Variants in MINDY2 observed in about 807,000 individuals in gnomAD.
The protein encoded by MINDY2 is MINDY lysine 48 deubiquitinase 2, also known as ubiquitin carboxyl-terminal hydrolase MINDY-2.
MINDY2 carries 52 observed loss-of-function variants against 68.2 expected under a neutral mutation model. The observed-to-expected ratio is 0.76, with a 90% CI of 0.61 to 0.96. MINDY2 has a LOEUF of 0.96. Among genes scored for constraint, MINDY2 ranks in the 40% least tolerant of loss-of-function variants. The pLI is 0.00. For synonymous variants in MINDY2, 372 were observed against 303.0 expected, an observed-to-expected ratio of 1.23 and a Z score of -2.36; for missense variants, 881 against 773.4, an observed-to-expected ratio of 1.14 and a Z score of -1.65.
intron 2 of MINDY2, among the ~76,000 whole-genome samples, chr15:58,800,350 G>T (rs1191407625): frequency 1.3e-5 from 2 of 152,066 alleles, no homozygotes; most frequent in African/African-American, 4.8e-5. Flanking sequence ...ACATATCAGT[G>T]TACTTTTCCT....
chr15:58,804,123 AG>A (rs1374816900), intron 3 of MINDY2, among the ~76,000 whole-genome samples: 1 of 151,190 alleles, frequency 6.6e-6, no homozygotes, highest in African/African-American at 2.4e-5. Flanking sequence ...AAAAAAAAGG[AG>A]GAGGAGGAGA....
At chr15:58,841,388 T>TA (rs2032277350) in intron 6 of MINDY2, among the ~76,000 whole-genome samples, 1 of 151,696 alleles carries the variant, frequency 6.6e-6, no homozygotes, top group South Asian at 2.1e-4. Flanking sequence ...ATGAAGATAA[T>TA]ACGCTTTTCC....
intron 1 of MINDY2, among the ~76,000 whole-genome samples, chr15:58,776,750 G>C (rs1900796610): frequency 6.6e-6 from 1 of 152,136 alleles, no homozygotes; most frequent in South Asian, 2.1e-4. Context: ...GGCCGTGTGT[G>C]GTGGCTCATG....
chr15:58,785,135 C>CAAAAAAAAAAAAAAAAA (rs397719705), intron 1 of MINDY2, among the ~76,000 whole-genome samples: 1 of 68,470 alleles, frequency 1.5e-5, no homozygotes, highest in African/African-American at 5.8e-5. Context: ...TGAAGGAAAG[C>CAAAAAAAAAAAAAAAAA]AAAAAAAAAA....
intron 1 of MINDY2, among the ~76,000 whole-genome samples, chr15:58,781,697 G>A (rs1901154811): frequency 6.6e-6 from 1 of 152,070 alleles, no homozygotes; most frequent in South Asian, 2.1e-4. Flanking sequence ...AGTGTCAGGA[G>A]TTCAAGACCA....
chr15:58,801,602 A>C lies in MINDY2; in HGVS notation c.899-711A>C, dbSNP rs373587176. 5.3e-5 allele frequency among the ~76,000 whole-genome samples: 8 copies of C among 152,266 alleles called. No individual in the cohort carries two copies. The East Asian group carries it at 1.2e-3, about 22-fold the overall frequency. On this transcript the variant is annotated intron_variant, in intron 2 of 8. Transcript: ENST00000559228. ...TATATTTAAAAGGTGATACCAAATAAAAACTCGTATATAAAAATACCATCT... is the reference window on the plus strand; with the variant it reads ...TATATTTAAAAGGTGATACCAAATACAAACTCGTATATAAAAATACCATCT...
intron 6 of MINDY2, among the ~76,000 whole-genome samples, chr15:58,846,680 AT>A (rs1324052672): frequency 2.6e-5 from 4 of 152,066 alleles, no homozygotes; most frequent in Non-Finnish European, 5.9e-5. Flanking sequence ...TTAAAAAAAA[AT>A]TTGTATGCAC....
In MINDY2 at chr15:58,837,539, C is replaced by A. The variant is rs200935094; in HGVS notation, c.1368+5623C>A. Among the ~76,000 whole-genome samples, 1,042 of 121,544 alleles carry A rather than the reference C, an allele frequency of 8.6e-3. 21 individuals are homozygous for A. Among genetic ancestry groups the A allele is most frequent in the African/African-American group, 0.023 (797 of 34,634 alleles). The allele number at this position is 121,544 out of a possible 152,430, so 79.7% of individuals were successfully genotyped here. On this transcript the variant is annotated intron_variant, in intron 6 of 8. Transcript: ENST00000559228. Reference sequence around the variant, plus strand: ...AGGCTACAGTGAGCCATGATGGCACCAAAAAAAAAAAAAAAGGAAACCTTT... The same window carrying A: ...AGGCTACAGTGAGCCATGATGGCACAAAAAAAAAAAAAAAAGGAAACCTTT...
At chr15:58,841,802 G>A (rs1002371169) in intron 6 of MINDY2, among the ~76,000 whole-genome samples, 1 of 152,194 alleles carries the variant, frequency 6.6e-6, no homozygotes, top group Non-Finnish European at 1.5e-5. Flanking sequence ...ACTATAGATA[G>A]TGAGATGACT....
intron 1 of MINDY2, among the ~76,000 whole-genome samples, chr15:58,780,326 C>T (rs1469601259): frequency 5.9e-5 from 9 of 151,994 alleles, no homozygotes; most frequent in African/African-American, 1.7e-4. Context: ...ATCACTTTAA[C>T]CTGGGAGGGA....
At chr15:58,804,199 G>A (rs1223425720) in intron 3 of MINDY2, among the ~76,000 whole-genome samples, 1 of 151,898 alleles carries the variant, frequency 6.6e-6, no homozygotes, top group Admixed American at 6.6e-5. Context: ...AATTTTATCA[G>A]GGGAATTTGT....
Position 58,810,245 on chromosome 15 carries a change from A to C in MINDY2, c.979A>C (p.Met327Leu), listed in dbSNP as rs758654520. 2 of 1,608,978 alleles carry C rather than the reference A, an allele frequency of 1.2e-6. No homozygotes were observed. Among genetic ancestry groups the C allele is most frequent in the African/African-American group, 2.7e-5 (2 of 74,758 alleles). The change falls in exon 4 of 9, where the codon ATG becomes CTG. Residue 327 changes from methionine to leucine, a missense_variant. Met to Leu is a conservative substitution (Grantham distance 15, BLOSUM62 2). Transcript: ENST00000559228. Reference protein sequence around the residue: ...LNYEQNMSDAMAILHKLQTGL... With the variant: ...LNYEQNMSDALAILHKLQTGL... ...CTATTTTCAGAATATGAGTGATGCC[A>C]TGGCAATTTTGCACAAACTACAGAC...
At chr15:58,812,615 T>A (rs1021628981) in intron 4 of MINDY2, among the ~76,000 whole-genome samples, 10 of 151,858 alleles carry the variant, frequency 6.6e-5, no homozygotes, top group African/African-American at 2.4e-4. Context: ...ATCCTAGAAC[T>A]TTGGGAGGCC....
At chr15:58,832,264 T>C (rs2031765466) in intron 6 of MINDY2, among the ~76,000 whole-genome samples, 1 of 151,658 alleles carries the variant, frequency 6.6e-6, no homozygotes, top group African/African-American at 2.4e-5. Flanking sequence ...TTCGCTCTTG[T>C]TGCCCAGGCT....
In MINDY2 at chr15:58,856,202, A is replaced by C. The variant is rs1342324738; in HGVS notation, c.*1592A>C. ...CAAATAGTTGTGTGCTTTACATTCT[A>C]AGCTTCAGTACATTTATTTAAGAGC... On this transcript the variant is annotated 3_prime_UTR_variant, in exon 9 of 9. Coordinates refer to ENST00000559228, the MANE Select transcript of MINDY2 (RefSeq NM_001040450.3). 6.6e-6 allele frequency: 1 copy of C among 152,648 alleles called. No individual in the cohort carries two copies. Among genetic ancestry groups the C allele is most frequent in the African/African-American group, 2.4e-5 (1 of 41,466 alleles). 9.5% of individuals were successfully genotyped at this position (152,648 alleles called of 1,614,324 possible).
chr15:58,791,622 A>ATGTGTGTGTGTGTG (rs368688031), intron 2 of MINDY2, among the ~76,000 whole-genome samples: 171 of 136,746 alleles, frequency 1.3e-3, no homozygotes, highest in East Asian at 2.8e-3. Flanking sequence ...GTCTCAAAAT[A>ATGTGTGTGTGTGTG]TGTGTGTGTG....
intron 8 of MINDY2, among the ~76,000 whole-genome samples, chr15:58,854,072 G>T (rs978149682): frequency 6.6e-6 from 1 of 151,736 alleles, no homozygotes; most frequent in Admixed American, 6.6e-5. Context: ...GTGAAACCCC[G>T]TCTCTACTAA....
At chr15:58,793,325 G>A (rs1250864510) in intron 2 of MINDY2, among the ~76,000 whole-genome samples, 2 of 152,066 alleles carry the variant, frequency 1.3e-5, no homozygotes, top group African/African-American at 4.8e-5. Flanking sequence ...GGTGGCACAT[G>A]CCTGTAGTCC....
intron 6 of MINDY2, among the ~76,000 whole-genome samples, chr15:58,839,918 C>T (rs973399207): frequency 6.6e-6 from 1 of 151,846 alleles, no homozygotes; most frequent in Non-Finnish European, 1.5e-5. Context: ...CTGCAACCTC[C>T]ACCTCCCAGG....
Sources: allele counts gnomAD v4.1 joint callset (sites outside exome capture counted in the v4.1 genomes callset), GRCh38; gene constraint gnomAD v4.1.1; transcripts MANE v1.5; gene names NCBI Gene and HGNC (gene_info 2026-07-23, HGNC 2026-07-21).